The following SLC45A4 variants were observed in gnomAD, a reference collection of about 807,000 sequenced individuals.
The protein encoded by SLC45A4 is polyamine-transporter SLC45A4.
In SLC45A4, 32 loss-of-function variants were observed where a neutral mutation model predicts 63.7. The observed-to-expected ratio is 0.50, with a 90% CI of 0.38 to 0.67. The LOEUF is 0.67. Among genes scored for constraint, SLC45A4 ranks in the 30% least tolerant of loss-of-function variants. The pLI is 0.00. For missense variants in SLC45A4, 1,027 were observed against 1,157.7 expected (o/e 0.89, Z 1.64); for synonymous variants, 535 against 510.0 (o/e 1.05, Z -0.66).
chr8:141,263,509 T>C (rs1359631877), intron 1 of SLC45A4, among the ~76,000 whole-genome samples: 1 of 151,986 alleles, frequency 6.6e-6, no homozygotes, highest in Admixed American at 6.5e-5. Flanking sequence ...GGCTCATGCC[T>C]GTAATCCCAG....
At chr8:141,284,904 C>T (rs1249917228) in intron 1 of SLC45A4, among the ~76,000 whole-genome samples, 1 of 152,088 alleles carries the variant, frequency 6.6e-6, no homozygotes, top group Non-Finnish European at 1.5e-5. Context: ...CCACGGCTGA[C>T]ATTTAGGAGC....
At chr8:141,287,660 GC>G in intron 1 of SLC45A4, among the ~76,000 whole-genome samples, 1 of 152,210 alleles carries the variant, frequency 6.6e-6, no homozygotes, top group Non-Finnish European at 1.5e-5. Context: ...AATGCTTTAG[GC>G]CATAACAGGT....
chr8:141,241,572 A>G (rs1827921628), intron 2 of SLC45A4, among the ~76,000 whole-genome samples: 4 of 72,040 alleles, frequency 5.6e-5, no homozygotes, highest in Admixed American at 4.8e-4. Context: ...ACAGTCAAAG[A>G]AAAAAAAAAG....
chr8:141,224,051 A>C (rs905621809), intron 2 of SLC45A4, among the ~76,000 whole-genome samples: 9 of 151,780 alleles, frequency 5.9e-5, no homozygotes, highest in African/African-American at 1.9e-4. Flanking sequence ...GCTGACGACA[A>C]ATGCTCTTGG....
intron 1 of SLC45A4, among the ~76,000 whole-genome samples, chr8:141,291,813 T>C (rs748463363): frequency 1.3e-5 from 2 of 152,170 alleles, no homozygotes; most frequent in Non-Finnish European, 2.9e-5. Flanking sequence ...CTCATGCATT[T>C]TGAAAAGTAA....
At chr8:141,263,781 A>AAAAAAAAT (rs1554598339) in intron 1 of SLC45A4, among the ~76,000 whole-genome samples, 1 of 140,336 alleles carries the variant, frequency 7.1e-6, no homozygotes, top group Non-Finnish European at 1.6e-5. Context: ...AAAAAAAAAA[A>AAAAAAAAT]AATAAAAATA....
chr8:141,250,676 A>G (rs1006609914), intron 2 of SLC45A4, among the ~76,000 whole-genome samples: 2 of 152,168 alleles, frequency 1.3e-5, no homozygotes, highest in African/African-American at 4.8e-5. Context: ...CAGAGTGCCC[A>G]GCCTGATGTG....
intron 1 of SLC45A4, among the ~76,000 whole-genome samples, chr8:141,286,252 C>G (rs1830140813): frequency 6.6e-6 from 1 of 152,178 alleles, no homozygotes; most frequent in South Asian, 2.1e-4. Flanking sequence ...CCCTTCCTTC[C>G]CTCGGGAGCT....
intron 1 of SLC45A4, among the ~76,000 whole-genome samples, chr8:141,292,226 G>A (rs1181234318): frequency 6.6e-6 from 1 of 152,232 alleles, no homozygotes; most frequent in Admixed American, 6.5e-5. Flanking sequence ...CAGGAGACCT[G>A]CATACATCCC....
chr8:141,272,597 G>A (rs980322685), intron 1 of SLC45A4, among the ~76,000 whole-genome samples: 5 of 152,158 alleles, frequency 3.3e-5, no homozygotes, highest in African/African-American at 9.7e-5. Context: ...AAACCCTTCC[G>A]GAGAGCCTGC....
chr8:141,232,789 G>C (rs1029399671), intron 2 of SLC45A4, among the ~76,000 whole-genome samples: 2 of 150,502 alleles, frequency 1.3e-5, no homozygotes, highest in Non-Finnish European at 3.0e-5. Flanking sequence ...CACACACTCA[G>C]TGGCTCCCAG....
At chr8:141,284,948 C>T (rs1426986129) in intron 1 of SLC45A4, among the ~76,000 whole-genome samples, 6 of 152,096 alleles carry the variant, frequency 3.9e-5, no homozygotes, top group South Asian at 2.1e-4. Flanking sequence ...CATGCAGAGC[C>T]GCCCCACACC....
At chr8:141,257,129 A>G (rs1458745164) in intron 1 of SLC45A4, among the ~76,000 whole-genome samples, 6 of 152,170 alleles carry the variant, frequency 3.9e-5, no homozygotes, top group Admixed American at 3.9e-4. Flanking sequence ...TGGGATTACA[A>G]GCGTGGGGCA....
At chr8:141,219,165 G>A (rs1367061389) in intron 4 of SLC45A4, 136 bp from the exon 5 acceptor site, 2 of 1,027,164 alleles carry the variant, frequency 1.9e-6, no homozygotes, top group Non-Finnish European at 2.8e-6. Context: ...GAAGGAGAAA[G>A]CAGTAGGAAA....
rs144111219 is a variant in SLC45A4 at position 141,269,986 on chromosome 8, G to C, written c.-400-15357C>G. On this transcript the variant is annotated intron_variant, in intron 1 of 8. Coordinates refer to ENST00000517878, the MANE Select transcript of SLC45A4 (RefSeq NM_001286646.2). ...CCCGCACTCCTCTGCTGACCATATG[G>C]GGCGGCCTGGCCCAAGCCCCAGACA... is the stretch of plus-strand genomic sequence containing the variant. 2.9e-3 allele frequency among the ~76,000 whole-genome samples: 438 copies of C among 152,108 alleles called. 3 individuals are homozygous for C. Among genetic ancestry groups the C allele is most frequent in the African/African-American group, 0.01 (422 of 41,478 alleles).
chr8:141,308,004 A>C (rs1257266292), intron 1 of SLC45A4, 92 bp downstream of exon 1: 1 of 24,186 alleles, frequency 4.1e-5, no homozygotes, highest in Admixed American at 4.2e-4. Context: ...GCTGTGCGGG[A>C]GGTGGGGGTG....
At chr8:141,214,736 T>C (rs1377546639) in intron 7 of SLC45A4, among the ~76,000 whole-genome samples, 3 of 152,094 alleles carry the variant, frequency 2.0e-5, no homozygotes, top group African/African-American at 4.8e-5. Flanking sequence ...ATAGAGAGAC[T>C]AGCGGAAGAG....
chr8:141,230,608 C>A (rs1827292424), intron 2 of SLC45A4, among the ~76,000 whole-genome samples: 1 of 152,246 alleles, frequency 6.6e-6, no homozygotes, highest in Non-Finnish European at 1.5e-5. Context: ...AGCGCCCAGG[C>A]CAGTGCTGCC....
At chr8:141,269,394 T>G (rs776515024) in intron 1 of SLC45A4, among the ~76,000 whole-genome samples, 5 of 152,170 alleles carry the variant, frequency 3.3e-5, no homozygotes, top group African/African-American at 9.7e-5. Flanking sequence ...TAGAGCTTGC[T>G]GTGAATCTGC....
Sources: gnomAD v4.1 joint callset for allele counts (sites outside exome capture counted in the v4.1 genomes callset) on GRCh38, gnomAD v4.1.1 for gene constraint, MANE v1.5 for transcripts, NCBI Gene and HGNC (gene_info 2026-07-23, HGNC 2026-07-21) for gene names.